LRRC4C: variants seen among roughly 807,000 people sequenced by gnomAD.
The protein encoded by LRRC4C is leucine-rich repeat-containing protein 4C.
In LRRC4C, 5 loss-of-function variants were observed where a neutral mutation model predicts 33.6. That is an observed-to-expected ratio of 0.15 (90% CI 0.08 to 0.31). LRRC4C has a LOEUF of 0.31. Ranked by LOEUF, LRRC4C falls within the 10% of genes least tolerant of loss-of-function variation. LRRC4C has a pLI of 1.00. For synonymous variants in LRRC4C, 329 were observed against 302.0 expected (o/e 1.09, Z -0.93); for missense variants, 560 against 796.7 (o/e 0.70, Z 3.58).
chr11:41,452,284 C>G (rs972795502), intron 1 of LRRC4C, among the ~76,000 whole-genome samples: 4 of 152,042 alleles, frequency 2.6e-5, no homozygotes, highest in Admixed American at 6.6e-5. Flanking sequence ...AGGACTTACA[C>G]AAGGAATTGA....
intron 3 of LRRC4C, among the ~76,000 whole-genome samples, chr11:40,618,403 T>C (rs11035961): frequency 0.39 from 59,758 of 151,376 alleles, 14,068 homozygotes; most frequent in Middle Eastern, 0.56. Flanking sequence ...AGAGCCTCTA[T>C]AATGAACCAA....
At chr11:40,172,842 T>A (rs913446471) in intron 5 of LRRC4C, among the ~76,000 whole-genome samples, 76 of 152,102 alleles carry the variant, frequency 5.0e-4, no homozygotes, top group African/African-American at 1.8e-3. Flanking sequence ...GCCTCCAAAT[T>A]TAGCCTTACT....
chr11:40,721,495 G>A (rs552299694), intron 2 of LRRC4C, among the ~76,000 whole-genome samples: 4 of 152,334 alleles, frequency 2.6e-5, no homozygotes, highest in Admixed American at 6.5e-5. Context: ...AGACACTTGA[G>A]TTTCAAGAGC....
intron 3 of LRRC4C, among the ~76,000 whole-genome samples, chr11:40,516,631 T>G (rs570324041): frequency 6.1e-4 from 93 of 152,168 alleles, no homozygotes; most frequent in African/African-American, 2.2e-3. Context: ...CTGGATAATT[T>G]TGTATGAAAT....
intron 2 of LRRC4C, among the ~76,000 whole-genome samples, chr11:40,677,327 A>T (rs1300447770): frequency 6.6e-6 from 1 of 152,138 alleles, no homozygotes; most frequent in Non-Finnish European, 1.5e-5. Context: ...CGGAGGTTGC[A>T]GTGACCCAAA....
chr11:40,412,809 C>T (rs1950199417), intron 3 of LRRC4C, among the ~76,000 whole-genome samples: 1 of 152,048 alleles, frequency 6.6e-6, no homozygotes, highest in South Asian at 2.1e-4. Flanking sequence ...TGTTTTCTTA[C>T]TCTAACATGG....
chr11:40,830,556 G>A (rs1952368224), intron 2 of LRRC4C, among the ~76,000 whole-genome samples: 1 of 152,016 alleles, frequency 6.6e-6, no homozygotes. Flanking sequence ...CAGTTAATAA[G>A]TTCTTTACGA....
intron 3 of LRRC4C, among the ~76,000 whole-genome samples, chr11:40,513,248 CA>C (rs1171178910): frequency 0.17 from 9,283 of 55,006 alleles, 102 homozygotes; most frequent in Non-Finnish European, 0.18. Flanking sequence ...GACTCCGTCT[CA>C]AAAAAAAAAA....
intron 1 of LRRC4C, among the ~76,000 whole-genome samples, chr11:41,237,774 C>T (rs893031463): frequency 2.6e-5 from 4 of 152,092 alleles, no homozygotes; most frequent in Non-Finnish European, 5.9e-5. Context: ...AGAGTGTCAA[C>T]AGAGCTTTCA....
intron 1 of LRRC4C, among the ~76,000 whole-genome samples, chr11:41,346,819 G>T (rs181981193): frequency 3.9e-5 from 6 of 152,274 alleles, no homozygotes; most frequent in Admixed American, 6.5e-5. Flanking sequence ...GACAACTAAA[G>T]TACCAACTGG....
chr11:41,161,331 C>T (rs897720604), intron 1 of LRRC4C, among the ~76,000 whole-genome samples: 23 of 152,142 alleles, frequency 1.5e-4, no homozygotes, highest in African/African-American at 5.6e-4. Context: ...GTCCCTCCTG[C>T]TTATTTCTGT....
chr11:40,806,122 G>A (rs1304949000), intron 2 of LRRC4C, among the ~76,000 whole-genome samples: 1 of 152,120 alleles, frequency 6.6e-6, no homozygotes, highest in East Asian at 1.9e-4. Context: ...TGTTACGACT[G>A]TTGTCATTAT....
At chr11:41,047,473 G>C (rs914811899) in intron 1 of LRRC4C, among the ~76,000 whole-genome samples, 2 of 152,138 alleles carry the variant, frequency 1.3e-5, no homozygotes, top group Non-Finnish European at 2.9e-5. Context: ...TCTGGAATTA[G>C]ATAATGGTGA....
chr11:40,671,894 C>T (rs535729352), intron 2 of LRRC4C, among the ~76,000 whole-genome samples: 73 of 151,844 alleles, frequency 4.8e-4, no homozygotes, highest in Non-Finnish European at 7.5e-4. Flanking sequence ...TTTTCAAAAA[C>T]GAGATTTTGT....
intron 2 of LRRC4C, among the ~76,000 whole-genome samples, chr11:40,807,834 A>G (rs541118126): frequency 6.6e-6 from 1 of 152,292 alleles, no homozygotes; most frequent in East Asian, 1.9e-4. Context: ...TTTAGATATT[A>G]TATTGCTGGA....
intron 2 of LRRC4C, among the ~76,000 whole-genome samples, chr11:40,753,460 T>C (rs1397943503): frequency 1.3e-5 from 2 of 151,802 alleles, no homozygotes; most frequent in African/African-American, 2.4e-5. Context: ...TATGCTTATA[T>C]TGTAAAATTC....
At chr11:41,264,870 T>C (rs1452705130) in intron 1 of LRRC4C, among the ~76,000 whole-genome samples, 1 of 152,144 alleles carries the variant, frequency 6.6e-6, no homozygotes, top group African/African-American at 2.4e-5. Flanking sequence ...TAAAATAGTG[T>C]GATGGCATAG....
intron 1 of LRRC4C, among the ~76,000 whole-genome samples, chr11:41,069,936 C>T (rs1426083976): frequency 6.6e-6 from 1 of 152,046 alleles, no homozygotes; most frequent in Non-Finnish European, 1.5e-5. Flanking sequence ...TCATATGGAA[C>T]CAGAAAAGAG....
intron 3 of LRRC4C, among the ~76,000 whole-genome samples, chr11:40,409,792 T>TGCTTA (rs1950090089): frequency 6.6e-6 from 1 of 152,020 alleles, no homozygotes; most frequent in South Asian, 2.1e-4. Flanking sequence ...GGAATGTAAA[T>TGCTTA]TAGTATAAGC....
Sources: gnomAD v4.1 joint callset for allele counts (sites outside exome capture counted in the v4.1 genomes callset) on GRCh38, gnomAD v4.1.1 for gene constraint, MANE v1.5 for transcripts, NCBI Gene and HGNC (gene_info 2026-07-23, HGNC 2026-07-21) for gene names.